NLGN4Y: variants seen among roughly 807,000 people sequenced by gnomAD.
NLGN4Y encodes neuroligin-4, Y-linked.
NLGN4Y carries 4 observed loss-of-function variants against 8.4 expected under a neutral mutation model. That is an observed-to-expected ratio of 0.48 (90% CI 0.23 to 1.09). The LOEUF (loss-of-function observed/expected upper bound fraction) is 1.09, where lower values mean the gene tolerates loss of function less well. Among genes scored for constraint, NLGN4Y ranks in the 50% least tolerant of loss-of-function variants. The pLI is 0.19. For synonymous variants in NLGN4Y, 35 were observed against 75.6 expected (o/e 0.46, Z 2.78); for missense variants, 90 against 192.3 (o/e 0.47, Z 3.15).
chrY:14,834,670 A>T lies in NLGN4Y; in HGVS notation c.1661+4151A>T. Among the ~76,000 whole-genome samples the T allele has an allele frequency of 8.9e-5, 3 of 33,880 alleles. No homozygotes were observed. In the East Asian group the frequency reaches 2.3e-3, roughly 26 times the overall value. 90.9% of individuals were successfully genotyped at this position (33,880 alleles called of 37,273 possible). A position where few individuals can be genotyped will look rare whatever the true frequency, so the allele number is the denominator to read the frequency against. ...AGCCCTATAAGAGAAAGAAATGAGG[A>T]ATTTCACTGTTGCTAGTTATTTGCT... On this transcript the variant is annotated intron_variant, in intron 6 of 6. Transcript: ENST00000684976.
intron 6 of NLGN4Y, among the ~76,000 whole-genome samples, chrY:14,837,988 C>G (rs2043203027): frequency 3.1e-5 from 1 of 32,692 alleles, no homozygotes; most frequent in Admixed American, 2.8e-4. Context: ...ATGAAAAAAA[C>G]GAGGAATCTT....
intron 4 of NLGN4Y, among the ~76,000 whole-genome samples, chrY:14,754,198 C>A: frequency 1.2e-4 from 4 of 32,593 alleles, no homozygotes; most frequent in Non-Finnish European, 3.0e-4. Flanking sequence ...CATGGTGAAA[C>A]TCCGTTTCTA....
intron 2 of NLGN4Y, among the ~76,000 whole-genome samples, chrY:14,695,327 T>C (rs2080823909): frequency 3.0e-5 from 1 of 33,732 alleles, no homozygotes; most frequent in Non-Finnish European, 7.4e-5. Flanking sequence ...TCTTTAATCC[T>C]AATAGGGGCA....
intron 1 of NLGN4Y, among the ~76,000 whole-genome samples, chrY:14,597,184 T>C (rs753246734): frequency 3.1e-5 from 1 of 32,032 alleles, no homozygotes; most frequent in Admixed American, 2.9e-4. Flanking sequence ...TTTCTCCCGG[T>C]GGGCTCGTGG....
intron 1 of NLGN4Y, among the ~76,000 whole-genome samples, chrY:14,606,049 C>T: frequency 6.1e-5 from 2 of 32,747 alleles, no homozygotes; most frequent in African/African-American, 1.2e-4. Flanking sequence ...TAAGTCACAT[C>T]CCACTCAGGT....
chrY:14,671,934 C>T (rs2080712366), intron 2 of NLGN4Y, among the ~76,000 whole-genome samples: 1 of 33,540 alleles, frequency 3.0e-5, no homozygotes. Context: ...ATAACCAGCC[C>T]CTTATTTCTG....
intron 4 of NLGN4Y, among the ~76,000 whole-genome samples, chrY:14,756,839 CAT>C (rs2081060096): frequency 6.2e-5 from 1 of 16,205 alleles, no homozygotes; most frequent in African/African-American, 2.5e-4. Context: ...CATATACACA[CAT>C]ATATGTGTGT....
At position 14,812,758 on chromosome Y, in the gene NLGN4Y, T is replaced by A. The variant is rs775591246; in HGVS notation, c.686-11430T>A. On this transcript the variant is annotated intron_variant, in intron 4 of 6. Transcript: ENST00000684976. ...CAATCAGGAGGCAAAACCCAGTGAT[T>A]TAGGTGTGCAGGATTCCTAAAATAT... Among the ~76,000 whole-genome samples, 11 of 32,952 alleles carry A rather than the reference T, an allele frequency of 3.3e-4. No homozygotes were observed. In the South Asian group the frequency reaches 7.6e-3, roughly 23 times the overall value. The allele number at this position is 32,952 out of a possible 37,273, so 88.4% of individuals were successfully genotyped here.
At chrY:14,586,657 G>A (rs2080342658) in intron 1 of NLGN4Y, among the ~76,000 whole-genome samples, 2 of 31,597 alleles carry the variant, frequency 6.3e-5, no homozygotes, top group East Asian at 8.4e-4. Flanking sequence ...GTGAAGCCCC[G>A]GCTCTACTAA....
At chrY:14,619,974 G>T (rs1603501492) in intron 1 of NLGN4Y, among the ~76,000 whole-genome samples, 2 of 33,382 alleles carry the variant, frequency 6.0e-5, no homozygotes, top group East Asian at 1.6e-3. Context: ...CTAGAAATGA[G>T]AACTTACGAA....
At chrY:14,770,812 G>T in intron 4 of NLGN4Y, among the ~76,000 whole-genome samples, 1 of 32,917 alleles carries the variant, frequency 3.0e-5, no homozygotes, top group African/African-American at 1.2e-4. Flanking sequence ...ATTGAAAAAA[G>T]GTTAGAGGAA....
intron 1 of NLGN4Y, among the ~76,000 whole-genome samples, chrY:14,592,988 C>G: frequency 3.1e-5 from 1 of 32,404 alleles, no homozygotes; most frequent in South Asian, 7.0e-4. Flanking sequence ...GTTTGATTTG[C>G]CTTCTCAACC....
In NLGN4Y at chrY:14,573,582, G is replaced by A. The variant is rs2150481912; in HGVS notation, c.-111-48427G>A. ...TCATTGATTTTTTGAAGGGTTTTTT[G>A]TGTCTCTATTTCCTTCAGTTCTGCT... On this transcript the variant is annotated intron_variant, in intron 1 of 6. Transcript: ENST00000684976. Among the ~76,000 whole-genome samples the A allele has an allele frequency of 1.8e-4, 6 of 33,205 alleles. No individual in the cohort carries two copies. The East Asian group carries it at 3.2e-3, about 18-fold the overall frequency. 89.1% of individuals were successfully genotyped at this position (33,205 alleles called of 37,273 possible).
chrY:14,670,999 A>G (rs2080708360), intron 2 of NLGN4Y, among the ~76,000 whole-genome samples: 2 of 33,571 alleles, frequency 6.0e-5, no homozygotes, highest in African/African-American at 2.3e-4. Flanking sequence ...GTGCCCTTAC[A>G]GAGAGGCCTT....
chrY:14,558,615 C>T, intron 1 of NLGN4Y, among the ~76,000 whole-genome samples: 1 of 32,712 alleles, frequency 3.1e-5, no homozygotes, highest in Non-Finnish European at 7.5e-5. Flanking sequence ...ACAGATATAT[C>T]TATATGTTGA....
intron 1 of NLGN4Y, among the ~76,000 whole-genome samples, chrY:14,597,545 A>G: frequency 3.0e-5 from 1 of 32,837 alleles, no homozygotes; most frequent in Non-Finnish European, 7.5e-5. Context: ...CATGTTCTCC[A>G]AGGCCCCACC....
chrY:14,571,931 G>A, intron 1 of NLGN4Y, among the ~76,000 whole-genome samples: 3 of 32,100 alleles, frequency 9.3e-5, no homozygotes, highest in South Asian at 7.0e-4. Flanking sequence ...TATTTCTGAC[G>A]GCTCTGTTCT....
chrY:14,568,663 T>TG (rs2080260134), intron 1 of NLGN4Y, among the ~76,000 whole-genome samples: 1 of 33,168 alleles, frequency 3.0e-5, no homozygotes, highest in African/African-American at 1.2e-4. Context: ...CAGTGGGTAG[T>TG]GTTTAATAAA....
At chrY:14,586,061 CA>C (rs2080339145) in intron 1 of NLGN4Y, among the ~76,000 whole-genome samples, 1 of 33,132 alleles carries the variant, frequency 3.0e-5, no homozygotes, top group Non-Finnish European at 7.4e-5. Context: ...CCTATTTTCA[CA>C]AATTAATATT....
Sources: gnomAD v4.1 joint callset for allele counts (sites outside exome capture counted in the v4.1 genomes callset) on GRCh38, gnomAD v4.1.1 for gene constraint, MANE v1.5 for transcripts, NCBI Gene and HGNC (gene_info 2026-07-23, HGNC 2026-07-21) for gene names.